PRKG1: variants seen among roughly 807,000 people sequenced by gnomAD.
PRKG1 encodes cGMP-dependent protein kinase 1.
Under a neutral mutation model 88.1 loss-of-function variants are expected in PRKG1, and 35 were observed. That is an observed-to-expected ratio of 0.40 (90% CI 0.30 to 0.53). The LOEUF (loss-of-function observed/expected upper bound fraction) is 0.53, where lower values mean the gene tolerates loss of function less well. Among genes scored for constraint, PRKG1 ranks in the 20% least tolerant of loss-of-function variants. The pLI, the probability that PRKG1 is intolerant of heterozygous loss-of-function variation, is 0.59. For missense variants in PRKG1, 540 were observed against 839.8 expected, an observed-to-expected ratio of 0.64 and a Z score of 4.41; for synonymous variants, 303 against 292.5, an observed-to-expected ratio of 1.04 and a Z score of -0.37.
At chr10:51,221,439 T>G (rs991102332) in intron 2 of PRKG1, among the ~76,000 whole-genome samples, 7 of 152,092 alleles carry the variant, frequency 4.6e-5, no homozygotes, top group East Asian at 1.9e-4. Flanking sequence ...TTTCTAAATC[T>G]CTCTTTGTAT....
intron 3 of PRKG1, among the ~76,000 whole-genome samples, chr10:51,628,454 C>T (rs1473814235): frequency 6.6e-6 from 1 of 151,922 alleles, no homozygotes; most frequent in African/African-American, 2.4e-5. Flanking sequence ...TGAGCCACTA[C>T]CCCCAGCCTG....
chr10:51,690,592 G>A (rs1337422897), intron 3 of PRKG1, among the ~76,000 whole-genome samples: 6 of 152,078 alleles, frequency 3.9e-5, no homozygotes, highest in Admixed American at 1.3e-4. Flanking sequence ...GAGAATCAGA[G>A]AGTCAGAGGT....
At chr10:51,881,377 T>G (rs185265095) in intron 4 of PRKG1, among the ~76,000 whole-genome samples, 3 of 152,208 alleles carry the variant, frequency 2.0e-5, no homozygotes, top group Non-Finnish European at 4.4e-5. Flanking sequence ...GCTCCACATG[T>G]CAGCTGGGTC....
chr10:51,925,224 A>T (rs1842549196), intron 5 of PRKG1, among the ~76,000 whole-genome samples: 1 of 151,790 alleles, frequency 6.6e-6, no homozygotes, highest in Admixed American at 6.6e-5. Flanking sequence ...TTTGGCAAGA[A>T]GTTAGTCTGT....
chr10:51,570,965 G>A (rs1163260923), intron 3 of PRKG1, among the ~76,000 whole-genome samples: 2 of 151,868 alleles, frequency 1.3e-5, no homozygotes, highest in East Asian at 3.9e-4. Context: ...AATATAACAG[G>A]TGTATAAATA....
intron 7 of PRKG1, among the ~76,000 whole-genome samples, chr10:52,072,445 T>A (rs1846527105): frequency 6.6e-6 from 1 of 152,054 alleles, no homozygotes; most frequent in Non-Finnish European, 1.5e-5. Context: ...ATAATTGATG[T>A]ACTAGGTGCT....
At chr10:51,018,039 C>G (rs1214712937) in intron 1 of PRKG1, among the ~76,000 whole-genome samples, 1 of 151,980 alleles carries the variant, frequency 6.6e-6, no homozygotes, top group Non-Finnish European at 1.5e-5. Context: ...CCAGGCTGGT[C>G]TTGAACTCCT....
chr10:51,882,809 G>T (rs1480692807), intron 4 of PRKG1, among the ~76,000 whole-genome samples: 1 of 152,188 alleles, frequency 6.6e-6, no homozygotes, highest in Non-Finnish European at 1.5e-5. Context: ...TACACTACCA[G>T]TCTGCCAGAC....
At chr10:52,243,068 T>C (rs1367472128) in intron 9 of PRKG1, among the ~76,000 whole-genome samples, 3 of 152,176 alleles carry the variant, frequency 2.0e-5, no homozygotes, top group African/African-American at 7.2e-5. Context: ...CTTTTACAAA[T>C]GCTGCTCTGA....
chr10:52,043,074 A>G (rs1199063748), intron 5 of PRKG1, among the ~76,000 whole-genome samples: 1 of 152,112 alleles, frequency 6.6e-6, no homozygotes, highest in African/African-American at 2.4e-5. Flanking sequence ...ATAAAAGAAA[A>G]CAAGTATTAG....
chr10:52,004,936 A>G (rs535101189), intron 5 of PRKG1, among the ~76,000 whole-genome samples: 101 of 152,244 alleles, frequency 6.6e-4, no homozygotes, highest in Non-Finnish European at 1.1e-3. Flanking sequence ...CCAAAAAATA[A>G]AAGAAAAAGA....
chr10:51,285,914 G>A (rs548284093), intron 2 of PRKG1, among the ~76,000 whole-genome samples: 13 of 152,248 alleles, frequency 8.5e-5, no homozygotes, highest in African/African-American at 3.1e-4. Flanking sequence ...CAGACCCACT[G>A]GAAATGAGTT....
intron 17 of PRKG1, among the ~76,000 whole-genome samples, chr10:52,292,439 A>G (rs1237803168): frequency 1.5e-4 from 23 of 151,996 alleles, no homozygotes; most frequent in South Asian, 4.2e-4. Flanking sequence ...TAATTTTTGT[A>G]TAAGGTGTAA....
intron 3 of PRKG1, among the ~76,000 whole-genome samples, chr10:51,603,837 T>G (rs1424302209): frequency 6.6e-6 from 1 of 152,168 alleles, no homozygotes; most frequent in East Asian, 1.9e-4. Context: ...AGAAGGCCTC[T>G]TGGAGGAGGT....
At chr10:51,757,649 T>A (rs1189447938) in intron 3 of PRKG1, among the ~76,000 whole-genome samples, 2 of 152,148 alleles carry the variant, frequency 1.3e-5, no homozygotes, top group South Asian at 2.1e-4. Context: ...CTAGTCTGAA[T>A]TGAGATGTGT....
chr10:51,133,874 G>T (rs1845630247), intron 1 of PRKG1, among the ~76,000 whole-genome samples: 1 of 152,138 alleles, frequency 6.6e-6, no homozygotes, highest in Non-Finnish European at 1.5e-5. Flanking sequence ...TGGGAGAGGT[G>T]CCAGTACATT....
chr10:51,847,609 T>G (rs190414545), intron 4 of PRKG1, among the ~76,000 whole-genome samples: 1 of 151,678 alleles, frequency 6.6e-6, no homozygotes, highest in East Asian at 1.9e-4. Context: ...AATGATTTTT[T>G]TTTTCTGTAG....
chr10:51,200,982 G>T (rs1837898366), intron 2 of PRKG1, among the ~76,000 whole-genome samples: 1 of 152,140 alleles, frequency 6.6e-6, no homozygotes, highest in Admixed American at 6.5e-5. Context: ...TCAGTAGTTT[G>T]ATGGGGCCAC....
At position 51,449,988 on chromosome 10, in the gene PRKG1, A is replaced by C. The variant is rs1225624845; in HGVS notation, c.479-17735A>C. Among the ~76,000 whole-genome samples, 9 of 152,100 alleles carry C rather than the reference A, an allele frequency of 5.9e-5. No homozygotes were observed. In the East Asian group the frequency reaches 1.7e-3, roughly 30 times the overall value. On this transcript the variant is annotated intron_variant, in intron 2 of 17. Transcript: ENST00000373980. Reference sequence around the variant, plus strand: ...ACACAGAAAAAGAGCTATGGGCATTAATACCATTTAGAGATATTTAAATTC... The same window carrying C: ...ACACAGAAAAAGAGCTATGGGCATTCATACCATTTAGAGATATTTAAATTC...
Sources: gnomAD v4.1 joint callset for allele counts (sites outside exome capture counted in the v4.1 genomes callset) on GRCh38, gnomAD v4.1.1 for gene constraint, MANE v1.5 for transcripts, NCBI Gene and HGNC (gene_info 2026-07-23, HGNC 2026-07-21) for gene names.